The following PUDP variants were observed in gnomAD, a reference collection of about 807,000 sequenced individuals.
PUDP encodes the protein pseudouridine 5'-phosphatase.
PUDP carries 8 observed loss-of-function variants against 9.4 expected under a neutral mutation model. That is an observed-to-expected ratio of 0.85 (90% CI 0.50 to 1.53). The LOEUF is 1.53. Ranked by LOEUF, PUDP falls within the 40% of genes most tolerant of loss-of-function variation. The pLI, the probability that PUDP is intolerant of heterozygous loss-of-function variation, is 0.00. For synonymous variants in PUDP, 99 were observed against 80.7 expected (o/e 1.23, Z -1.22); for missense variants, 188 against 189.7 (o/e 0.99, Z 0.05).
At chrX:7,063,841 GTT>G (rs969067456) in intron 3 of PUDP, among the ~76,000 whole-genome samples, 14 of 111,072 alleles carry the variant, frequency 1.3e-4, no homozygotes, top group African/African-American at 3.6e-4. Flanking sequence ...TAGAGATGGG[GTT>G]TTGCCCTTTG....
chrX:7,028,058 C>A (rs1438399085), intron 1 of PUDP, among the ~76,000 whole-genome samples: 2 of 104,444 alleles, frequency 1.9e-5, no homozygotes, highest in Non-Finnish European at 3.9e-5. Context: ...TATATATTGT[C>A]CTAGCAAACT....
At position 6,756,688 on chromosome X, in the gene PUDP, G is replaced by A. The variant is rs184833091; in HGVS notation, c.*248-50222C>T. Reference sequence around the variant, plus strand: ...CATAGCAGTAGCTAGATGAAGATACGTAACAGATGAAGAGACAGATTCCTT... The same window carrying A: ...CATAGCAGTAGCTAGATGAAGATACATAACAGATGAAGAGACAGATTCCTT... On this transcript the variant is annotated intron_variant and NMD_transcript_variant, in intron 3 of 3. Transcript: ENST00000655425. Among the ~76,000 whole-genome samples the A allele has an allele frequency of 2.4e-3, 269 of 112,505 alleles. 2 individuals carry two copies. Among genetic ancestry groups the A allele is most frequent in the African/African-American group, 8.3e-3 (257 of 31,024 alleles).
At chrX:6,751,215 C>T (rs976887675) in intron 3 of PUDP, among the ~76,000 whole-genome samples, 1 of 110,985 alleles carries the variant, frequency 9.0e-6, no homozygotes, top group East Asian at 2.8e-4. Flanking sequence ...AAGAAAATTG[C>T]AACTGTGTCA....
chrX:6,737,702 G>A (rs1350625691), intron 3 of PUDP, among the ~76,000 whole-genome samples: 1 of 110,744 alleles, frequency 9.0e-6, no homozygotes, highest in Non-Finnish European at 1.9e-5. Flanking sequence ...TGCAGGAGAG[G>A]GGTATCGTAG....
In PUDP at chrX:7,054,565, G is replaced by C. The variant is rs191890714; in HGVS notation, c.511-4093C>G. 1.9e-4 allele frequency among the ~76,000 whole-genome samples: 21 copies of C among 112,074 alleles called. 1 individual carries two copies. Among genetic ancestry groups the C allele is most frequent in the African/African-American group, 6.8e-4 (21 of 30,914 alleles). On this transcript the variant is annotated intron_variant, in intron 3 of 3. Transcript: ENST00000381077. ...CAGGCCAGTTGGCTTGGGTTTTCCA[G>C]CACAAGACCCTTGCAAAGTTAACTA...
At chrX:6,968,471 T>C (rs984645921) in intron 3 of PUDP, among the ~76,000 whole-genome samples, 1 of 110,763 alleles carries the variant, frequency 9.0e-6, no homozygotes, top group Non-Finnish European at 1.9e-5. Flanking sequence ...GTCACTGTCT[T>C]CACTGTGGCT....
At chrX:6,955,075 C>G (rs1928607738) in intron 3 of PUDP, among the ~76,000 whole-genome samples, 1 of 112,234 alleles carries the variant, frequency 8.9e-6, no homozygotes, top group Non-Finnish European at 1.9e-5. Context: ...ATCAGGCAGT[C>G]AATCCTACCA....
At chrX:6,904,017 T>C (rs1259126089) in intron 3 of PUDP, among the ~76,000 whole-genome samples, 2 of 106,870 alleles carry the variant, frequency 1.9e-5, no homozygotes, top group Admixed American at 1.0e-4. Context: ...AGTGGCTCAA[T>C]CTTGGCTCAC....
chrX:6,877,790 G>A (rs761895503), intron 3 of PUDP, among the ~76,000 whole-genome samples: 2 of 111,432 alleles, frequency 1.8e-5, no homozygotes, highest in South Asian at 3.8e-4. Flanking sequence ...TAAAATAAAG[G>A]TCTCAAGCCT....
intron 3 of PUDP, among the ~76,000 whole-genome samples, chrX:6,862,432 AT>A (rs767609417): frequency 8.9e-6 from 1 of 112,815 alleles, no homozygotes; most frequent in African/African-American, 3.2e-5. Flanking sequence ...AAAGATGTTC[AT>A]TTTACATTCA....
At chrX:6,958,745 CAAAA>C (rs138391788) in intron 3 of PUDP, among the ~76,000 whole-genome samples, 6 of 60,710 alleles carry the variant, frequency 9.9e-5, no homozygotes, top group Admixed American at 2.1e-4. Flanking sequence ...AATGCCATCT[CAAAA>C]AAAAAAAAAA....
intron 1 of PUDP, among the ~76,000 whole-genome samples, chrX:7,041,411 C>T (rs1299641179): frequency 8.9e-6 from 1 of 111,870 alleles, no homozygotes; most frequent in African/African-American, 3.3e-5. Flanking sequence ...AAAAAACATG[C>T]TTTTCGTCCA....
At chrX:6,916,338 G>A (rs1927933679) in intron 3 of PUDP, among the ~76,000 whole-genome samples, 1 of 108,585 alleles carries the variant, frequency 9.2e-6, no homozygotes, top group Non-Finnish European at 1.9e-5. Context: ...GCCTGATTAT[G>A]CTACACACTG....
intron 2 of PUDP, among the ~76,000 whole-genome samples, chrX:7,092,641 T>TG (rs1360288702): frequency 4.7e-4 from 52 of 111,647 alleles, no homozygotes; most frequent in African/African-American, 1.6e-3. Flanking sequence ...TACCATGCTA[T>TG]GGAGATGAAA....
chrX:7,029,159 A>G (rs779720435), intron 1 of PUDP, among the ~76,000 whole-genome samples: 179 of 112,003 alleles, frequency 1.6e-3, no homozygotes, highest in Non-Finnish European at 3.0e-3. Context: ...TTCACTCATC[A>G]GCTATTGTTA....
chrX:6,820,860 C>T (rs764611476), intron 3 of PUDP, among the ~76,000 whole-genome samples: 2 of 111,480 alleles, frequency 1.8e-5, no homozygotes, highest in East Asian at 2.9e-4. Context: ...GTCTAGAGGA[C>T]GGTGGCCCAC....
intron 3 of PUDP, among the ~76,000 whole-genome samples, chrX:7,064,819 C>G (rs1930503080): frequency 9.0e-6 from 1 of 111,727 alleles, no homozygotes; most frequent in African/African-American, 3.3e-5. Context: ...ATTTTCTTAA[C>G]CCTTGAATAA....
chrX:6,863,981 T>C (rs1282720594), intron 3 of PUDP, among the ~76,000 whole-genome samples: 7 of 111,359 alleles, frequency 6.3e-5, no homozygotes, highest in African/African-American at 2.3e-4. Context: ...TCTTAGTTGA[T>C]AGAGTGGGGT....
intron 3 of PUDP, among the ~76,000 whole-genome samples, chrX:6,921,573 C>T (rs1482125741): frequency 9.1e-6 from 1 of 110,315 alleles, no homozygotes; most frequent in Non-Finnish European, 1.9e-5. Context: ...GACCTCTGTA[C>T]CTCAATGGTC....
Sources: gnomAD v4.1 joint callset for allele counts (sites outside exome capture counted in the v4.1 genomes callset) on GRCh38, gnomAD v4.1.1 for gene constraint, MANE v1.5 for transcripts, NCBI Gene and HGNC (gene_info 2026-07-23, HGNC 2026-07-21) for gene names.